KANK1: variants seen among roughly 807,000 people sequenced by gnomAD.
KANK1 encodes the protein KN motif and ankyrin repeat domains 1.
Under a neutral mutation model 106.2 loss-of-function variants are expected in KANK1, and 109 were observed. The ratio of observed to expected loss-of-function variants is 1.03; its 90% CI spans 0.88 to 1.20. KANK1 has a LOEUF of 1.20. Among genes scored for constraint, KANK1 ranks in the 50% most tolerant of loss-of-function variants. The probability of loss-of-function intolerance (pLI) is 0.00; values close to 1 mark genes in which losing one functional copy is unlikely to be tolerated. For synonymous variants in KANK1, 873 were observed against 652.2 expected (o/e 1.34, Z -5.16); for missense variants, 2,399 against 1,710.7 (o/e 1.40, Z -7.10).
At chr9:645,429 G>T (rs1317078717) in intron 1 of KANK1, among the ~76,000 whole-genome samples, 2 of 107,862 alleles carry the variant, frequency 1.9e-5, no homozygotes, top group Non-Finnish European at 3.3e-5. Flanking sequence ...GACACAATGA[G>T]ACTGTGTCTT....
chr9:686,381 C>G (rs1262276484), intron 2 of KANK1, among the ~76,000 whole-genome samples: 2 of 152,158 alleles, frequency 1.3e-5, no homozygotes, highest in African/African-American at 2.4e-5. Context: ...TTCTTGTGAC[C>G]TGGCAGAGGA....
intron 2 of KANK1, among the ~76,000 whole-genome samples, chr9:681,775 C>G (rs1246308195): frequency 1.3e-5 from 2 of 152,072 alleles, no homozygotes; most frequent in South Asian, 4.1e-4. Flanking sequence ...GTATTAACAT[C>G]CTCATTAAAC....
intron 1 of KANK1, among the ~76,000 whole-genome samples, chr9:605,003 G>C (rs1828732369): frequency 6.6e-6 from 1 of 151,610 alleles, no homozygotes; most frequent in African/African-American, 2.4e-5. Flanking sequence ...CATCTCATTT[G>C]TTTTTAATAG....
chr9:494,001 G>C (rs2058419778), intron 3 of KANK1, among the ~76,000 whole-genome samples: 1 of 151,950 alleles, frequency 6.6e-6, no homozygotes, highest in Admixed American at 6.6e-5. Flanking sequence ...TCCTGCCTCA[G>C]CCTCCTGAGT....
chr9:717,141 C>T (rs1268279785), intron 3 of KANK1, among the ~76,000 whole-genome samples: 1 of 151,874 alleles, frequency 6.6e-6, no homozygotes, highest in Non-Finnish European at 1.5e-5. Flanking sequence ...AAAAATTTGC[C>T]AGGCGTGATG....
intron 1 of KANK1, among the ~76,000 whole-genome samples, chr9:553,608 A>C (rs1473062314): frequency 5.9e-5 from 9 of 152,218 alleles, no homozygotes; most frequent in Non-Finnish European, 1.3e-4. Flanking sequence ...GGATGAAGTA[A>C]ATGTGAGCAA....
At chr9:719,115 A>G (rs375455026) in intron 3 of KANK1, among the ~76,000 whole-genome samples, 1 of 151,612 alleles carries the variant, frequency 6.6e-6, no homozygotes, top group African/African-American at 2.4e-5. Flanking sequence ...ACACGCCACC[A>G]GGCCCGGCTA....
chr9:475,850 T>A (rs2058093654), intron 3 of KANK1, among the ~76,000 whole-genome samples: 1 of 151,924 alleles, frequency 6.6e-6, no homozygotes, highest in African/African-American at 2.4e-5. Context: ...TTTAAAATTA[T>A]TTATTTATTT....
At chr9:635,507 A>C (rs1048931879) in intron 1 of KANK1, among the ~76,000 whole-genome samples, 2 of 148,796 alleles carry the variant, frequency 1.3e-5, no homozygotes, top group African/African-American at 5.0e-5. Context: ...GCACAGATGG[A>C]AGTACTCTTA....
At position 704,218 on chromosome 9, in the gene KANK1, A is replaced by G. The variant is rs370760347; in HGVS notation, c.38-6586A>G. 1.1e-4 allele frequency among the ~76,000 whole-genome samples: 17 copies of G among 152,336 alleles called. 1 individual carries two copies. Among genetic ancestry groups the G allele is most frequent in the Admixed American group, 7.2e-4 (11 of 15,308 alleles). On this transcript the variant is annotated intron_variant, in intron 2 of 11. Coordinates refer to ENST00000382297, the MANE Select transcript of KANK1 (RefSeq NM_015158.5). ...AAGACCCAAAACAAACGATAGCTAAAACAAAATAGACCTTTATATCTTTTT... is the reference window on the plus strand; with the variant it reads ...AAGACCCAAAACAAACGATAGCTAAGACAAAATAGACCTTTATATCTTTTT...
chr9:601,309 A>G (rs1341546455), intron 1 of KANK1, among the ~76,000 whole-genome samples: 1 of 151,826 alleles, frequency 6.6e-6, no homozygotes, highest in Non-Finnish European at 1.5e-5. Context: ...CTAGCATTCT[A>G]TCCAGTTTTC....
At chr9:611,131 G>T (rs1830451427) in intron 1 of KANK1, among the ~76,000 whole-genome samples, 1 of 152,136 alleles carries the variant, frequency 6.6e-6, no homozygotes, top group Admixed American at 6.5e-5. Flanking sequence ...GGGACGGTTG[G>T]CTTGACATGT....
chr9:671,511 G>GTCTGTGCCTGTAGTCCCAGCTAATCGGT (rs1491475182), intron 1 of KANK1, among the ~76,000 whole-genome samples: 2 of 146,160 alleles, frequency 1.4e-5, no homozygotes, highest in Non-Finnish European at 3.0e-5. Context: ...GGACGTGGTG[G>GTCTGTGCCTGTAGTCCCAGCTAATCGGT]AGGCTGAGGC....
intron 3 of KANK1, among the ~76,000 whole-genome samples, chr9:728,694 G>C (rs557202547): frequency 1.3e-5 from 2 of 152,278 alleles, no homozygotes; most frequent in African/African-American, 2.4e-5. Context: ...CATCTATGTA[G>C]ATGAAGCCTG....
At chr9:735,195 A>AT (rs550014461) in intron 7 of KANK1, among the ~76,000 whole-genome samples, 37 of 151,038 alleles carry the variant, frequency 2.4e-4, no homozygotes, top group African/African-American at 8.2e-4. Flanking sequence ...GCATCCAAGA[A>AT]TTTTTTTTTT....
At chr9:642,035 T>G (rs1036036319) in intron 1 of KANK1, among the ~76,000 whole-genome samples, 1 of 152,196 alleles carries the variant, frequency 6.6e-6, no homozygotes, top group African/African-American at 2.4e-5. Flanking sequence ...TATTCTACTT[T>G]CTGTGTCCAT....
At chr9:503,914 A>G (rs756691671), upstream of KANK1, among the ~76,000 whole-genome samples, 72 of 152,292 alleles carry the variant, frequency 4.7e-4, no homozygotes, top group Admixed American at 1.4e-3. Flanking sequence ...TGGAGTCCCC[A>G]GAGACCTGCA....
At chr9:622,164 A>G (rs2136429063) in intron 1 of KANK1, among the ~76,000 whole-genome samples, 1 of 152,334 alleles carries the variant, frequency 6.6e-6, no homozygotes, top group South Asian at 2.1e-4. Context: ...CAGTAGAAGA[A>G]TACCTGAAAC....
chr9:629,159 G>T (rs564416808), intron 1 of KANK1, among the ~76,000 whole-genome samples: 4 of 151,986 alleles, frequency 2.6e-5, no homozygotes, highest in African/African-American at 9.7e-5. Context: ...TGATCAGTGA[G>T]ATCTCAGATC....
Sources: gnomAD v4.1 joint callset for allele counts (sites outside exome capture counted in the v4.1 genomes callset) on GRCh38, gnomAD v4.1.1 for gene constraint, MANE v1.5 for transcripts, NCBI Gene and HGNC (gene_info 2026-07-23, HGNC 2026-07-21) for gene names.